FGF12: variants seen among roughly 807,000 people sequenced by gnomAD.
FGF12 encodes the protein fibroblast growth factor 12.
In FGF12, 14 loss-of-function variants were observed where a neutral mutation model predicts 23.6. The ratio of observed to expected loss-of-function variants is 0.59; its 90% CI spans 0.39 to 0.93. FGF12 has a LOEUF of 0.93. Among genes scored for constraint, FGF12 ranks in the 40% least tolerant of loss-of-function variants. The pLI is 0.00. For missense variants in FGF12, 175 were observed against 217.8 expected (o/e 0.80, Z 1.24); for synonymous variants, 62 against 77.3 (o/e 0.80, Z 1.04).
chr3:192,498,953 G>A (rs1310732499), intron 2 of FGF12, among the ~76,000 whole-genome samples: 1 of 152,150 alleles, frequency 6.6e-6, no homozygotes, highest in African/African-American at 2.4e-5. Flanking sequence ...CAACAAAATA[G>A]CTATTGGAAG....
chr3:192,540,983 T>G (rs1259165665), intron 2 of FGF12, among the ~76,000 whole-genome samples: 1 of 152,186 alleles, frequency 6.6e-6, no homozygotes, highest in Non-Finnish European at 1.5e-5. Context: ...TCTACATGCA[T>G]GCAATATATT....
intron 2 of FGF12, among the ~76,000 whole-genome samples, chr3:192,609,330 A>G (rs1714463374): frequency 6.6e-6 from 1 of 152,062 alleles, no homozygotes; most frequent in Non-Finnish European, 1.5e-5. Context: ...AAAAGGCTGC[A>G]TTTGCAGGAC....
chr3:192,309,669 C>T (rs1012609927), intron 4 of FGF12, among the ~76,000 whole-genome samples: 1 of 152,038 alleles, frequency 6.6e-6, no homozygotes, highest in South Asian at 2.1e-4. Flanking sequence ...AAAGAAGAAA[C>T]AGGACATTGA....
At chr3:192,265,769 G>A (rs1010326745) in intron 4 of FGF12, among the ~76,000 whole-genome samples, 1 of 152,024 alleles carries the variant, frequency 6.6e-6, no homozygotes, top group Non-Finnish European at 1.5e-5. Context: ...ATTGTGCAGT[G>A]TAAAAAGCCT....
chr3:192,583,395 T>C (rs1340960479), intron 2 of FGF12, among the ~76,000 whole-genome samples: 1 of 152,216 alleles, frequency 6.6e-6, no homozygotes, highest in Non-Finnish European at 1.5e-5. Flanking sequence ...CTAGAGAAAA[T>C]ACTGTTACCG....
chr3:192,564,886 T>C (rs144773166), intron 2 of FGF12, among the ~76,000 whole-genome samples: 9 of 152,334 alleles, frequency 5.9e-5, no homozygotes, highest in Non-Finnish European at 1.2e-4. Context: ...ACAAATTGCA[T>C]TGGTTCTAAT....
rs1725308286 is a variant in FGF12 at position 192,539,336 on chromosome 3, G to A, written c.14-178798C>T. Among the ~76,000 whole-genome samples, 4 of 151,686 alleles carry A rather than the reference G, an allele frequency of 2.6e-5. No individual in the cohort carries two copies. In the South Asian group the frequency reaches 8.3e-4, roughly 32 times the overall value. ...TCTTCTATACCCAGATTTTTTTTAG[G>A]GTTTTTGTCATGAAATGATGTTGAA... On this transcript the variant is annotated intron_variant, in intron 2 of 5. Coordinates refer to ENST00000445105, the MANE Select transcript of FGF12 (RefSeq NM_004113.6).
At chr3:192,404,725 G>A (rs960972267) in intron 2 of FGF12, among the ~76,000 whole-genome samples, 5 of 152,014 alleles carry the variant, frequency 3.3e-5, no homozygotes, top group Admixed American at 3.3e-4. Context: ...TCCAGTTCAG[G>A]GTCTCCAATA....
Position 192,140,021 on chromosome 3 carries a change from C to G in FGF12, c.*3988G>C, listed in dbSNP as rs552267662. 2 of 152,112 alleles carry G rather than the reference C, an allele frequency of 1.3e-5. No homozygotes were observed. Among genetic ancestry groups the G allele is most frequent in the Non-Finnish European group, 2.9e-5 (2 of 67,902 alleles). The allele number at this position is 152,112 out of a possible 1,614,324, so 9.4% of individuals were successfully genotyped here. On this transcript the variant is annotated 3_prime_UTR_variant, in exon 6 of 6. Coordinates refer to ENST00000445105, the MANE Select transcript of FGF12 (RefSeq NM_004113.6). ...CACCAAAGTACTGAAGGAACACGTGCTTTGATTATTATTCCCACCTGTTTC... is the reference window on the plus strand; with the variant it reads ...CACCAAAGTACTGAAGGAACACGTGGTTTGATTATTATTCCCACCTGTTTC...
chr3:192,383,422 C>G (rs1185799485), intron 2 of FGF12, among the ~76,000 whole-genome samples: 1 of 150,984 alleles, frequency 6.6e-6, no homozygotes, highest in Non-Finnish European at 1.5e-5. Context: ...TCAAGGTGGT[C>G]TTAAATAAAA....
chr3:192,155,807 A>G (rs1327347894), intron 5 of FGF12, among the ~76,000 whole-genome samples: 1 of 152,180 alleles, frequency 6.6e-6, no homozygotes, highest in Non-Finnish European at 1.5e-5. Context: ...TCTGACCTTC[A>G]ATAGCTACAT....
intron 2 of FGF12, among the ~76,000 whole-genome samples, chr3:192,561,313 C>T (rs1258418198): frequency 6.6e-6 from 1 of 151,946 alleles, no homozygotes; most frequent in African/African-American, 2.4e-5. Flanking sequence ...AAGTTATCAA[C>T]ATCATTAGTC....
At chr3:192,304,947 A>G (rs1195338164) in intron 4 of FGF12, among the ~76,000 whole-genome samples, 4 of 152,176 alleles carry the variant, frequency 2.6e-5, no homozygotes, top group Non-Finnish European at 2.9e-5. Context: ...TGTACACAGT[A>G]GTACATGCTT....
At chr3:192,329,404 A>C (rs573658334) in intron 4 of FGF12, among the ~76,000 whole-genome samples, 1 of 152,334 alleles carries the variant, frequency 6.6e-6, no homozygotes, top group South Asian at 2.1e-4. Flanking sequence ...TATCACATGT[A>C]TCATTCTATC....
At chr3:192,679,264 T>C (rs767061402) in intron 2 of FGF12, among the ~76,000 whole-genome samples, 105 of 151,686 alleles carry the variant, frequency 6.9e-4, no homozygotes, top group Non-Finnish European at 1.0e-4. Context: ...AAATGTGGAG[T>C]TGACACGAAA....
chr3:192,626,586 G>A (rs67970040), intron 2 of FGF12, among the ~76,000 whole-genome samples: 17,983 of 152,028 alleles, frequency 0.12, 1,642 homozygotes, highest in African/African-American at 0.26. Flanking sequence ...TAAGTTAAAC[G>A]CTACATATAC....
At chr3:192,470,726 A>T (rs1387838379) in intron 2 of FGF12, among the ~76,000 whole-genome samples, 3 of 152,122 alleles carry the variant, frequency 2.0e-5, no homozygotes, top group African/African-American at 7.2e-5. Flanking sequence ...AACATTCATC[A>T]TTATCAGGGT....
At chr3:192,456,683 G>A (rs747345106) in intron 2 of FGF12, among the ~76,000 whole-genome samples, 1 of 152,090 alleles carries the variant, frequency 6.6e-6, no homozygotes, top group Non-Finnish European at 1.5e-5. Flanking sequence ...TTTTATGTAT[G>A]AACTCTTTGC....
chr3:192,711,119 C>A lies in FGF12; in HGVS notation c.13+16062G>T, dbSNP rs577108569. On this transcript the variant is annotated intron_variant, in intron 2 of 5. Transcript: ENST00000445105. ...AACAGGTAACCAAATATAAAAATAT[C>A]TTCGGGAAATCTCTAACATGAAAGA... Among the ~76,000 whole-genome samples the A allele has an allele frequency of 5.3e-5, 8 of 152,306 alleles. No homozygotes were observed. The South Asian group carries it at 1.7e-3, about 32-fold the overall frequency.
Sources: allele counts gnomAD v4.1 joint callset (sites outside exome capture counted in the v4.1 genomes callset), GRCh38; gene constraint gnomAD v4.1.1; transcripts MANE v1.5; gene names NCBI Gene and HGNC (gene_info 2026-07-23, HGNC 2026-07-21).